The following CNTNAP2 variants were observed in gnomAD, a reference collection of about 807,000 sequenced individuals.
CNTNAP2 encodes contactin associated protein 2.
In CNTNAP2, 98 loss-of-function variants were observed where a neutral mutation model predicts 155.2. The ratio of observed to expected loss-of-function variants is 0.63; its 90% confidence interval spans 0.54 to 0.75. CNTNAP2 has a LOEUF of 0.75. CNTNAP2 is among the 30% of genes least tolerant of loss of function. CNTNAP2 has a pLI of 0.00. For missense variants in CNTNAP2, 1,727 were observed against 1,688.1 expected (o/e 1.02, Z -0.40); for synonymous variants, 651 against 631.2 (o/e 1.03, Z -0.47).
chr7:148,066,595 T>G (rs900217055), intron 15 of CNTNAP2, among the ~76,000 whole-genome samples: 1 of 152,138 alleles, frequency 6.6e-6, no homozygotes, highest in African/African-American at 2.4e-5. Flanking sequence ...CCTCCTGGAT[T>G]CACGCCATTC....
At chr7:146,236,793 C>G (rs532353761) in intron 1 of CNTNAP2, among the ~76,000 whole-genome samples, 9 of 134,362 alleles carry the variant, frequency 6.7e-5, no homozygotes, top group Non-Finnish European at 1.3e-4. Flanking sequence ...ATGGCTTTAT[C>G]AATAAGATTG....
chr7:147,203,508 A>G (rs1471974248), intron 8 of CNTNAP2, among the ~76,000 whole-genome samples: 1 of 152,240 alleles, frequency 6.6e-6, no homozygotes, highest in Non-Finnish European at 1.5e-5. Context: ...CTGGGATTAC[A>G]GGCATGAGCC....
chr7:147,476,624 T>C (rs1798324669), intron 10 of CNTNAP2, among the ~76,000 whole-genome samples: 1 of 151,484 alleles, frequency 6.6e-6, no homozygotes, highest in Non-Finnish European at 1.5e-5. Context: ...CTGCAGTGTG[T>C]AATCAAAGAT....
At chr7:146,483,002 T>C (rs1261659219) in intron 1 of CNTNAP2, among the ~76,000 whole-genome samples, 5 of 150,494 alleles carry the variant, frequency 3.3e-5, no homozygotes, top group African/African-American at 1.2e-4. Flanking sequence ...TAAGGCCGGG[T>C]GCGGTGGCTC....
At chr7:146,354,283 A>G (rs114963185) in intron 1 of CNTNAP2, among the ~76,000 whole-genome samples, 2,202 of 152,282 alleles carry the variant, frequency 0.014, 45 homozygotes, top group African/African-American at 0.051. Context: ...CAAGGTTTTT[A>G]TAAGATATAC....
intron 1 of CNTNAP2, among the ~76,000 whole-genome samples, chr7:146,334,429 T>TC (rs552545432): frequency 0.038 from 3,331 of 86,984 alleles, 152 homozygotes; most frequent in African/African-American, 0.15. Flanking sequence ...AGACTCCGTC[T>TC]CAAAAAAAAA....
chr7:146,473,397 C>T lies in CNTNAP2; in HGVS notation c.98-300874C>T, dbSNP rs999129740. Among the ~76,000 whole-genome samples the T allele has an allele frequency of 4.6e-5, 7 of 151,850 alleles. No individual in the cohort carries two copies. The South Asian group carries it at 1.5e-3, about 32-fold the overall frequency. ...CTGGCTTTTTTCTTGCCTCTTTTCC[C>T]TTCTTCTTTTCCTTTCTTCTTTTCC... On this transcript the variant is annotated intron_variant, in intron 1 of 23. Coordinates refer to ENST00000361727, the MANE Select transcript of CNTNAP2 (RefSeq NM_014141.6).
At chr7:147,425,084 G>A (rs1371606819) in intron 10 of CNTNAP2, among the ~76,000 whole-genome samples, 1 of 151,370 alleles carries the variant, frequency 6.6e-6, no homozygotes, top group Non-Finnish European at 1.5e-5. Context: ...TCAATGAGAT[G>A]TTTTCATCCC....
At chr7:147,060,888 G>GAAA (rs142345988) in intron 4 of CNTNAP2, among the ~76,000 whole-genome samples, 1 of 150,198 alleles carries the variant, frequency 6.7e-6, no homozygotes, top group Non-Finnish European at 1.5e-5. Context: ...AAAAGAAAAA[G>GAAA]AAAAAAACTG....
rs148634541 is a variant in CNTNAP2 at position 146,289,602 on chromosome 7, C to G, written c.97+172629C>G. On this transcript the variant is annotated intron_variant, in intron 1 of 23. Coordinates refer to ENST00000361727, the MANE Select transcript of CNTNAP2 (RefSeq NM_014141.6). Reference sequence around the variant, plus strand: ...CAGGTACAAGTCAAATTAAGCCCTGCTGTCTGCATGGGTACTCATTATTAA... The same window carrying G: ...CAGGTACAAGTCAAATTAAGCCCTGGTGTCTGCATGGGTACTCATTATTAA... Among the ~76,000 whole-genome samples the G allele has an allele frequency of 3.3e-3, 506 of 152,288 alleles. 2 individuals carry two copies. Among genetic ancestry groups the G allele is most frequent in the African/African-American group, 0.012 (489 of 41,568 alleles).
intron 19 of CNTNAP2, 63 bp from the exon 20 acceptor site, chr7:148,229,583 G>C: frequency 6.4e-7 from 1 of 1,554,228 alleles, no homozygotes; most frequent in Non-Finnish European, 8.9e-7. Flanking sequence ...GAATTGAGGG[G>C]ATGTGACATT....
intron 1 of CNTNAP2, among the ~76,000 whole-genome samples, chr7:146,141,196 G>A (rs775437801): frequency 6.6e-6 from 1 of 152,124 alleles, no homozygotes; most frequent in African/African-American, 2.4e-5. Context: ...TGGCACAAAG[G>A]GCACCTGTGT....
chr7:146,765,844 T>G (rs1366770617), intron 1 of CNTNAP2, among the ~76,000 whole-genome samples: 1 of 152,140 alleles, frequency 6.6e-6, no homozygotes, highest in Admixed American at 6.6e-5. Context: ...CCAGCTCTTT[T>G]AAACCTGGTA....
At chr7:146,351,027 T>C (rs1252725092) in intron 1 of CNTNAP2, among the ~76,000 whole-genome samples, 1 of 79,678 alleles carries the variant, frequency 1.3e-5, no homozygotes, top group African/African-American at 4.9e-5. Context: ...TGGGGCTTGT[T>C]GTGGGGTGGG....
chr7:146,185,609 C>T (rs969153800), intron 1 of CNTNAP2, among the ~76,000 whole-genome samples: 2 of 152,124 alleles, frequency 1.3e-5, no homozygotes, highest in Non-Finnish European at 2.9e-5. Flanking sequence ...AGATGAGGCT[C>T]GTGCCTGGCA....
rs112605367 is a variant in CNTNAP2 at position 148,394,347 on chromosome 7, C to T, written c.3715+10459C>T. 5.3e-3 allele frequency among the ~76,000 whole-genome samples: 800 copies of T among 152,264 alleles called. 5 individuals are homozygous for T. Among genetic ancestry groups the T allele is most frequent in the African/African-American group, 0.018 (755 of 41,550 alleles). ...CTGAGTCCCTACTGGACTCTCTGGT[C>T]TATTACATTGATATGATGCCTTGTG... On this transcript the variant is annotated intron_variant, in intron 22 of 23. Transcript: ENST00000361727.
At chr7:146,927,777 TTGTGTGTG>T (rs778246110) in intron 3 of CNTNAP2, among the ~76,000 whole-genome samples, 30 of 151,588 alleles carry the variant, frequency 2.0e-4, no homozygotes, top group Non-Finnish European at 4.0e-4. Context: ...GTGTGTGTGT[TTGTGTGTG>T]TGTATGTATA....
chr7:146,351,741 G>A (rs553108082), intron 1 of CNTNAP2, among the ~76,000 whole-genome samples: 19 of 152,200 alleles, frequency 1.2e-4, no homozygotes, highest in South Asian at 2.1e-4. Flanking sequence ...TATTGCCATC[G>A]TCATTAGCAT....
chr7:148,018,139 G>T (rs778846805), intron 15 of CNTNAP2, among the ~76,000 whole-genome samples: 2 of 152,138 alleles, frequency 1.3e-5, no homozygotes, highest in Admixed American at 6.5e-5. Flanking sequence ...AAAATAACAC[G>T]ACTGGTACCT....
Sources: allele counts gnomAD v4.1 joint callset (sites outside exome capture counted in the v4.1 genomes callset), GRCh38; gene constraint gnomAD v4.1.1; transcripts MANE v1.5; gene names NCBI Gene and HGNC (gene_info 2026-07-23, HGNC 2026-07-21).